GOLGA5: variants seen among roughly 807,000 people sequenced by gnomAD.
GOLGA5 encodes golgin A5.
Under a neutral mutation model 93.5 loss-of-function variants are expected in GOLGA5, and 50 were observed. The observed-to-expected ratio is 0.53, with a 90% CI of 0.43 to 0.68. The LOEUF (loss-of-function observed/expected upper bound fraction) is 0.68. Among genes scored for constraint, GOLGA5 ranks in the 30% least tolerant of loss-of-function variants. The pLI is 0.00. For missense variants in GOLGA5, 760 were observed against 856.4 expected (o/e 0.89, Z 1.40); for synonymous variants, 312 against 304.5 (o/e 1.02, Z -0.26).
Position 92,797,661 on chromosome 14 carries a change from C to T in GOLGA5, c.224C>T (p.Ala75Val). The change falls in exon 2 of 13, where the codon GCC (alanine) becomes GTC (valine). Residue 75 changes from alanine (A) to valine (V), a missense_variant. Ala to Val is a moderately conservative substitution (Grantham distance 64). Transcript: ENST00000163416. ...SAADNIRNQK[A>V]TILAGTANVK... The stretch of plus-strand genomic sequence containing the variant: ...GCTGATAACATTCGAAATCAAAAAG[C>T]CACCATCTTAGCTGGCACTGCAAAT... 6.2e-7 allele frequency: 1 copy of T among 1,613,752 alleles called. No homozygotes were observed. Among genetic ancestry groups the T allele is most frequent in the Non-Finnish European group, 8.5e-7 (1 of 1,179,662 alleles).
At chr14:92,836,548 G>A (rs1003093016) in intron 11 of GOLGA5, among the ~76,000 whole-genome samples, 2 of 152,056 alleles carry the variant, frequency 1.3e-5, no homozygotes, top group Non-Finnish European at 2.9e-5. Context: ...TGTCTTGATA[G>A]GGAAAAAAAT....
Position 92,807,691 on chromosome 14 carries a change from G to C in GOLGA5, c.772+728G>C, listed in dbSNP as rs999575910. Among the ~76,000 whole-genome samples the C allele has an allele frequency of 2.6e-5, 4 of 152,194 alleles. No homozygotes were observed. The East Asian group carries it at 7.7e-4, about 29-fold the overall frequency. ...TCAGTTCAGTGCCCTTGGGAATTGT[G>C]CAGTGAGGTGGCCCTGGAGTAGAAA... On this transcript the variant is annotated intron_variant, in intron 3 of 12. Coordinates refer to ENST00000163416, the MANE Select transcript of GOLGA5 (RefSeq NM_005113.4).
chr14:92,811,500 T>C lies in GOLGA5; in HGVS notation c.1117-51T>C, dbSNP rs1361643726. The C allele has an allele frequency of 8.3e-6, 10 of 1,199,326 alleles. No individual in the cohort carries two copies. The Admixed American group carries it at 1.2e-4, about 14-fold the overall frequency. The allele number at this position is 1,199,326 out of a possible 1,614,324, so 74.3% of individuals were successfully genotyped here. A position where few individuals can be genotyped will look rare whatever the true frequency, so the allele number is the denominator to read the frequency against. ...TATCCGAATGGATGGTTGTAAAATA[T>C]GTTTCAAAGCTAAATGATATCATTA... On this transcript the variant is annotated intron_variant, in intron 5 of 12. Coordinates refer to ENST00000163416, the MANE Select transcript of GOLGA5 (RefSeq NM_005113.4).
Position 92,839,391 on chromosome 14 carries a change from T to C in GOLGA5, c.2141T>C (p.Ile714Thr). The C allele has an allele frequency of 6.2e-7, 1 of 1,612,912 alleles. No homozygotes were observed. Among genetic ancestry groups the C allele is most frequent in the East Asian group, 2.2e-5 (1 of 44,876 alleles). ...YMALLHLWVMIVLLTYTPEMH... is the reference protein window; with the variant it reads ...YMALLHLWVMTVLLTYTPEMH... ...GCTTTGCTTCACCTCTGGGTCATGA[T>C]TGTTCTGTTGACTTACACACCAGAA... Residue 714 changes from isoleucine to threonine, a missense_variant, in exon 13 of 13, where the codon ATT becomes ACT. Physicochemically the swap from Ile to Thr is moderately conservative, Grantham distance 89 (BLOSUM62 -1). Transcript: ENST00000163416.
chr14:92,834,326 C>A (rs908827903), intron 10 of GOLGA5, among the ~76,000 whole-genome samples: 8 of 152,024 alleles, frequency 5.3e-5, no homozygotes, highest in Non-Finnish European at 1.2e-4. Flanking sequence ...AGCATTAGGT[C>A]TATCTCCTAA....
At chr14:92,831,704 G>C (rs919506225) in intron 9 of GOLGA5, among the ~76,000 whole-genome samples, 1 of 152,084 alleles carries the variant, frequency 6.6e-6, no homozygotes, top group Non-Finnish European at 1.5e-5. Context: ...TTAAAATTGA[G>C]CATTCTTTTA....
intron 7 of GOLGA5, among the ~76,000 whole-genome samples, chr14:92,817,728 G>A (rs895382354): frequency 2.0e-5 from 3 of 152,134 alleles, no homozygotes; most frequent in Non-Finnish European, 2.9e-5. Flanking sequence ...AAAAGAAAGC[G>A]TGAAAGTTGT....
chr14:92,801,617 A>C (rs1457200331), intron 2 of GOLGA5, among the ~76,000 whole-genome samples: 1 of 152,144 alleles, frequency 6.6e-6, no homozygotes, highest in East Asian at 1.9e-4. Flanking sequence ...TTCTTAATGT[A>C]GATGGCATGT....
chr14:92,797,422 TTA>T lies in GOLGA5; in HGVS notation c.-14_-13del. On this transcript the variant is annotated 5_prime_UTR_variant, in exon 2 of 13. Transcript: ENST00000163416. The stretch of plus-strand genomic sequence containing the variant: ...CCTTTTTACAGGTTTGCCAATAGGA[TTA>T]TCCTGCTGCCATCATGTCTTGGTTT... 1 of 1,583,416 alleles carries T rather than the reference TTA, an allele frequency of 6.3e-7. No homozygotes were observed. The highest frequency in any genetic ancestry group is 1.2e-5 in the South Asian group (1 of 85,156).
intron 4 of GOLGA5, among the ~76,000 whole-genome samples, chr14:92,809,889 T>G (rs139752479): frequency 0.066 from 10,087 of 152,048 alleles, 402 homozygotes; most frequent in Middle Eastern, 0.12. Context: ...ACCCAGGAGG[T>G]GGAGGTTGCA....
chr14:92,822,959 A>G (rs1459458011), intron 8 of GOLGA5, among the ~76,000 whole-genome samples: 1 of 152,138 alleles, frequency 6.6e-6, no homozygotes, highest in African/African-American at 2.4e-5. Context: ...GCACCCGGCC[A>G]GAAGTTGATT....
Position 92,806,213 on chromosome 14 carries a change from T to G in GOLGA5, c.545-523T>G, listed in dbSNP as rs2140316399. 1.3e-5 allele frequency among the ~76,000 whole-genome samples: 2 copies of G among 152,358 alleles called. 1 individual carries two copies. On this transcript the variant is annotated intron_variant, in intron 2 of 12. Coordinates refer to ENST00000163416, the MANE Select transcript of GOLGA5 (RefSeq NM_005113.4). ...ATGGTGTTGTACTGTCTGTTGTCAT[T>G]CATTCAGTGTATCCAGACTTGAGTA...
intron 6 of GOLGA5, 59 bp from the exon 7 acceptor site, chr14:92,816,192 A>G (rs1885200681): frequency 2.7e-6 from 3 of 1,098,352 alleles, no homozygotes; most frequent in Non-Finnish European, 4.1e-6. Context: ...ATAGTAGATG[A>G]TATTCAATAT....
chr14:92,815,356 C>T (rs1885180966), intron 6 of GOLGA5, among the ~76,000 whole-genome samples: 1 of 152,168 alleles, frequency 6.6e-6, no homozygotes, highest in African/African-American at 2.4e-5. Context: ...GTAATCTGAC[C>T]ATATCCTTTT....
Position 92,833,343 on chromosome 14 carries a change from T to G in GOLGA5, c.1941T>G (p.Gly647=), listed in dbSNP as rs1595605161. ...TTAATATGTCTGGAATTGACAATGG[T>G]GAAGGTAATCAAAAAAGGAATCTCA... The part of the protein sequence containing the change: ...SSINMSGIDN[G]EGTRLRNVPV... Residue 647 remains glycine (G), a synonymous_variant, in exon 10 of 13, where the codon GGT becomes GGG. Transcript: ENST00000163416. 1 of 1,570,464 alleles carries G rather than the reference T, an allele frequency of 6.4e-7. No homozygotes were observed. Among genetic ancestry groups the G allele is most frequent in the Non-Finnish European group, 8.8e-7 (1 of 1,140,348 alleles).
At chr14:92,795,273 C>G (rs1235592250) in intron 1 of GOLGA5, among the ~76,000 whole-genome samples, 1 of 152,184 alleles carries the variant, frequency 6.6e-6, no homozygotes. Context: ...AGCATTTCAT[C>G]TCCATTTTCA....
At chr14:92,799,669 C>T (rs1048788855) in intron 2 of GOLGA5, among the ~76,000 whole-genome samples, 1 of 150,190 alleles carries the variant, frequency 6.7e-6, no homozygotes, top group African/African-American at 2.5e-5. Flanking sequence ...TGCAGTGACG[C>T]GATCTTAGCT....
chr14:92,809,217 G>A (rs908197674), intron 3 of GOLGA5, 83 bp from the exon 4 acceptor site: 2 of 850,650 alleles, frequency 2.4e-6, no homozygotes, highest in African/African-American at 1.7e-5. Flanking sequence ...AAGTACTAAA[G>A]GCACTCAAAG....
At chr14:92,814,211 A>G (rs2140322433) in intron 6 of GOLGA5, among the ~76,000 whole-genome samples, 1 of 152,292 alleles carries the variant, frequency 6.6e-6, no homozygotes, top group Admixed American at 6.5e-5. Flanking sequence ...CTAAAAACAC[A>G]GTCTTAAACA....
Sources: allele counts gnomAD v4.1 joint callset (sites outside exome capture counted in the v4.1 genomes callset), GRCh38; gene constraint gnomAD v4.1.1; transcripts MANE v1.5; gene names NCBI Gene and HGNC (gene_info 2026-07-23, HGNC 2026-07-21).